GALNT18: variants seen among roughly 807,000 people sequenced by gnomAD.
The protein encoded by GALNT18 is GalNAc-transferase 18.
A neutral mutation model predicts 69.5 loss-of-function variants in GALNT18; 44 were observed. That is an observed-to-expected ratio of 0.63 (90% CI 0.50 to 0.81). GALNT18 has a LOEUF of 0.81. Among genes scored for constraint, GALNT18 ranks in the 40% least tolerant of loss-of-function variants. GALNT18 has a pLI of 0.00. For missense variants in GALNT18, 715 were observed against 810.0 expected (o/e 0.88, Z 1.42); for synonymous variants, 364 against 318.2 (o/e 1.14, Z -1.53).
chr11:11,292,140 C>T (rs927934115), intron 10 of GALNT18, among the ~76,000 whole-genome samples: 2 of 152,144 alleles, frequency 1.3e-5, no homozygotes, highest in African/African-American at 4.8e-5. Flanking sequence ...TGGGAGTGTC[C>T]ACCATGTACA....
intron 9 of GALNT18, among the ~76,000 whole-genome samples, chr11:11,303,978 T>C (rs1237501030): frequency 6.6e-6 from 1 of 152,254 alleles, no homozygotes; most frequent in Non-Finnish European, 1.5e-5. Flanking sequence ...AAGATGGCTC[T>C]GTCCAGGGCT....
rs973967523 is a variant in GALNT18 at position 11,454,751 on chromosome 11, G to A, written c.236-5815C>T. 3.3e-5 allele frequency among the ~76,000 whole-genome samples: 5 copies of A among 151,818 alleles called. No homozygotes were observed. Among genetic ancestry groups the A allele is most frequent in the South Asian group, 2.1e-4 (1 of 4,784 alleles). ...CTCTTCCTTCCTTGAAACCCAGCCT[G>A]CGGTGTCCTCAAAGCTCTGGCAGAC... On this transcript the variant is annotated intron_variant, in intron 1 of 10. Coordinates refer to ENST00000227756, the MANE Select transcript of GALNT18 (RefSeq NM_198516.3). This position sits in a 1 kb window ranked among gnomAD's most constrained non-coding sequence, Gnocchi z 4.2.
At chr11:11,342,296 C>T (rs564977028) in intron 6 of GALNT18, among the ~76,000 whole-genome samples, 8 of 152,232 alleles carry the variant, frequency 5.3e-5, no homozygotes, top group African/African-American at 1.9e-4. Flanking sequence ...ATCTGAAATA[C>T]CTGGTTAGAG....
At chr11:11,388,391 C>T (rs4910330) in intron 3 of GALNT18, among the ~76,000 whole-genome samples, 33,458 of 152,070 alleles carry the variant, frequency 0.22, 3,950 homozygotes, top group East Asian at 0.37. Context: ...TGAAGATGAC[C>T]GTGGCAGGTT....
chr11:11,334,257 T>C (rs1306995938), intron 7 of GALNT18, among the ~76,000 whole-genome samples: 1 of 152,056 alleles, frequency 6.6e-6, no homozygotes, highest in Non-Finnish European at 1.5e-5. Context: ...AAACACAATT[T>C]AGGGGCCAGG....
At chr11:11,408,958 G>C (rs1443273675) in intron 3 of GALNT18, among the ~76,000 whole-genome samples, 1 of 152,206 alleles carries the variant, frequency 6.6e-6, no homozygotes, top group East Asian at 1.9e-4. Flanking sequence ...CAAAACAGCA[G>C]CAACCCACAG....
chr11:11,557,813 A>G (rs1276925507), intron 1 of GALNT18, among the ~76,000 whole-genome samples: 1 of 152,204 alleles, frequency 6.6e-6, no homozygotes, highest in African/African-American at 2.4e-5. Context: ...ACTCATTACC[A>G]TCTAGCCACC....
chr11:11,593,389 T>C (rs574618703), intron 1 of GALNT18, among the ~76,000 whole-genome samples: 2 of 152,268 alleles, frequency 1.3e-5, no homozygotes, highest in African/African-American at 4.8e-5. Flanking sequence ...ATCTATGAGG[T>C]GAGAAGCCCA....
Position 11,621,321 on chromosome 11 carries a change from G to A in GALNT18, c.235+38C>T. 3 of 1,577,468 alleles carry A rather than the reference G, an allele frequency of 1.9e-6. No homozygotes were observed. Among genetic ancestry groups the A allele is most frequent in the Non-Finnish European group, 2.6e-6 (3 of 1,149,590 alleles). ...CCCCGCGCCGCGCGGGGCACTCCCG[G>A]GCCTCATGGGCGACCCAAGTTTCCG... On this transcript the variant is annotated intron_variant, in intron 1 of 10. Coordinates refer to ENST00000227756, the MANE Select transcript of GALNT18 (RefSeq NM_198516.3). The surrounding 1 kb of genome is among the most constrained non-coding windows in gnomAD (Gnocchi z 9.3).
At chr11:11,448,689 G>T in intron 2 of GALNT18, 55 bp downstream of exon 2, 1 of 1,470,164 alleles carries the variant, frequency 6.8e-7, no homozygotes, top group Non-Finnish European at 9.3e-7. Flanking sequence ...GCACTCTGGG[G>T]ACCCCATCTC....
intron 1 of GALNT18, among the ~76,000 whole-genome samples, chr11:11,513,967 C>G (rs779197885): frequency 8.1e-6 from 1 of 123,234 alleles, no homozygotes; most frequent in Non-Finnish European, 1.7e-5. Flanking sequence ...GTGAGCAGCT[C>G]AGACCCTGAG....
intron 1 of GALNT18, among the ~76,000 whole-genome samples, chr11:11,561,280 A>T (rs1262699144): frequency 6.6e-6 from 1 of 152,126 alleles, no homozygotes; most frequent in Non-Finnish European, 1.5e-5. Context: ...GCCTTTCCCT[A>T]CCTTCCACTC....
intron 2 of GALNT18, among the ~76,000 whole-genome samples, chr11:11,441,311 A>G (rs1855527342): frequency 6.6e-6 from 1 of 152,190 alleles, no homozygotes; most frequent in African/African-American, 2.4e-5. Flanking sequence ...AGTGTGTTCA[A>G]TTCAATGGCA....
intron 3 of GALNT18, among the ~76,000 whole-genome samples, chr11:11,414,996 T>C (rs1451296263): frequency 6.6e-6 from 1 of 152,148 alleles, no homozygotes; most frequent in Non-Finnish European, 1.5e-5. Context: ...GCACAATTCG[T>C]TTCCTCGCAG....
Position 11,496,452 on chromosome 11 carries a change from T to C in GALNT18, c.236-47516A>G, listed in dbSNP as rs1343342464. 6.6e-6 allele frequency among the ~76,000 whole-genome samples: 1 copy of C among 152,190 alleles called. No individual in the cohort carries two copies. The highest frequency in any genetic ancestry group is 1.5e-5 in the Non-Finnish European group (1 of 68,030). On this transcript the variant is annotated intron_variant, in intron 1 of 10. Transcript: ENST00000227756. This position sits in a 1 kb window ranked among gnomAD's most constrained non-coding sequence, Gnocchi z 4.0. ...TAGCCCAAACTTACCCAGCAGTACA[T>C]TGCTATCAACTCCAATAATGGGGCA...
At chr11:11,401,878 A>C (rs1159048602) in intron 3 of GALNT18, among the ~76,000 whole-genome samples, 1 of 152,228 alleles carries the variant, frequency 6.6e-6, no homozygotes, top group African/African-American at 2.4e-5. Context: ...GAGTGCTACC[A>C]TAGAGGTGTG....
intron 1 of GALNT18, among the ~76,000 whole-genome samples, chr11:11,501,499 T>C (rs572489438): frequency 2.6e-5 from 4 of 152,342 alleles, no homozygotes; most frequent in African/African-American, 9.6e-5. Flanking sequence ...AAGCACAGTA[T>C]TTTTAAAATC....
intron 2 of GALNT18, among the ~76,000 whole-genome samples, 163 bp downstream of exon 2, chr11:11,448,581 A>C (rs1855713852): frequency 6.6e-6 from 1 of 152,216 alleles, no homozygotes; most frequent in Non-Finnish European, 1.5e-5. Flanking sequence ...CTGAGGGAAG[A>C]GGAGAGTGAC....
intron 1 of GALNT18, among the ~76,000 whole-genome samples, chr11:11,566,943 T>C (rs1858669477): frequency 1.3e-5 from 2 of 152,142 alleles, no homozygotes. Flanking sequence ...AGAAGGTCAT[T>C]TGAATGGGAA....
Sources: gnomAD v4.1 joint callset for allele counts (sites outside exome capture counted in the v4.1 genomes callset) on GRCh38, gnomAD v4.1.1 for gene constraint, Gnocchi (gnomAD v3.1) non-coding constraint, MANE v1.5 for transcripts, NCBI Gene and HGNC (gene_info 2026-07-23, HGNC 2026-07-21) for gene names.